The following YRDC variants were observed in gnomAD, a reference collection of about 807,000 sequenced individuals.
The protein encoded by YRDC is threonylcarbamoyl-AMP synthase.
A neutral mutation model predicts 21.5 loss-of-function variants in YRDC; 17 were observed. The ratio of observed to expected loss-of-function variants is 0.79; its 90% CI spans 0.54 to 1.19. The LOEUF (loss-of-function observed/expected upper bound fraction) is 1.19. Among genes scored for constraint, YRDC ranks in the 50% most tolerant of loss-of-function variants. The pLI is 0.00. For synonymous variants in YRDC, 193 were observed against 176.7 expected, an observed-to-expected ratio of 1.09 and a Z score of -0.73; for missense variants, 380 against 397.1, an observed-to-expected ratio of 0.96 and a Z score of 0.37.
rs185980231 is a variant in YRDC, at chr1:37,804,606, C to G, written c.625-162G>C. Among the ~76,000 whole-genome samples the G allele has an allele frequency of 1.2e-4, 18 of 152,324 alleles. No individual in the cohort carries two copies. In the East Asian group the frequency reaches 3.3e-3, roughly 28 times the overall value. ...TAGTTAAGGTCAACTGTGCCAAAGA[C>G]ACTGTATTCTATGAGGTTTGGAGGC... On this transcript the variant is annotated intron_variant, in intron 3 of 4. Coordinates refer to ENST00000373044, the MANE Select transcript of YRDC (RefSeq NM_024640.4).
intron 2 of YRDC, 56 bp from the exon 3 acceptor site, chr1:37,807,032 G>A (rs1467178915): frequency 7.4e-6 from 12 of 1,613,742 alleles, no homozygotes; most frequent in African/African-American, 2.7e-5. Flanking sequence ...AAGAGGGTAA[G>A]TCTTATCTGG....
At chr1:37,805,508 AC>A (rs1205690619) in intron 3 of YRDC, among the ~76,000 whole-genome samples, 1 of 151,940 alleles carries the variant, frequency 6.6e-6, no homozygotes, top group Non-Finnish European at 1.5e-5. Context: ...AGCTTCCCCA[AC>A]CCCCCAAGGA....
intron 3 of YRDC, among the ~76,000 whole-genome samples, chr1:37,804,655 A>G (rs1304580379): frequency 6.6e-6 from 1 of 152,242 alleles, no homozygotes; most frequent in African/African-American, 2.4e-5. Flanking sequence ...ACTCCAAGTA[A>G]CACCTATCTA....
Position 37,803,934 on chromosome 1 carries a change from G to C in YRDC, c.831C>G (p.Ser277=). The change falls in exon 5 of 5, where the codon TCC becomes TCG. Residue 277 remains serine, a synonymous_variant. Coordinates refer to ENST00000373044, the MANE Select transcript of YRDC (RefSeq NM_024640.4). ...CCTGCTTCCCAGAGTTTCACAGGTAGGACGCATGTGAGGGGAGCAGTCCGT... is the reference window on the plus strand; with the variant it reads ...CCTGCTTCCCAGAGTTTCACAGGTACGACGCATGTGAGGGGAGCAGTCCGT... ...QKYGLLPSHA[S]YL 6.2e-7 allele frequency: 1 copy of C among 1,614,124 alleles called. No individual in the cohort carries two copies. The highest frequency in any genetic ancestry group is 1.1e-5 in the South Asian group (1 of 91,070).
chr1:37,803,853 C>A lies in YRDC; in HGVS notation c.*72G>T. On this transcript the variant is annotated 3_prime_UTR_variant, in exon 5 of 5. Transcript: ENST00000373044. ...GCTCCGGTGGCCTCTGCAAATGAGG[C>A]CTTGACAGTCGTCAGTGGACAGACA... 6.4e-7 allele frequency: 1 copy of A among 1,560,588 alleles called. No individual in the cohort carries two copies. The highest frequency in any genetic ancestry group is 1.1e-5 in the South Asian group (1 of 88,534).
chr1:37,803,148 G>A lies in YRDC; in HGVS notation c.*777C>T, dbSNP rs1646713564. ...TAAGAAAAAAGTCCCTGGCTATAAA[G>A]GATAGTGGAGGTTTATTTCCCAATA... On this transcript the variant is annotated 3_prime_UTR_variant, in exon 5 of 5. Coordinates refer to ENST00000373044, the MANE Select transcript of YRDC (RefSeq NM_024640.4). 6.6e-6 allele frequency: 1 copy of A among 152,152 alleles called. No individual in the cohort carries two copies. The highest frequency in any genetic ancestry group is 6.5e-5 in the Admixed American group (1 of 15,270). The allele number at this position is 152,152 out of a possible 1,614,324, so 9.4% of individuals were successfully genotyped here.
chr1:37,806,710 C>G, intron 3 of YRDC, 147 bp downstream of exon 3: 1 of 1,275,792 alleles, frequency 7.8e-7, no homozygotes, highest in South Asian at 1.5e-5. Flanking sequence ...TGCCCCCCAC[C>G]ACCTCCCTGC....
At chr1:37,807,375 C>A in intron 1 of YRDC, 160 bp from the exon 2 acceptor site, 1 of 715,962 alleles carries the variant, frequency 1.4e-6, no homozygotes, top group Non-Finnish European at 2.3e-6. Flanking sequence ...GAAAGCAGGG[C>A]TCCAGAGGCG....
chr1:37,804,279 CA>C, intron 4 of YRDC, 22 bp downstream of exon 4: 1 of 1,603,162 alleles, frequency 6.2e-7, no homozygotes, highest in Admixed American at 1.7e-5. Flanking sequence ...ATTATTTCCC[CA>C]CACCACAGGA....
At chr1:37,806,061 G>T (rs1323378187) in intron 3 of YRDC, among the ~76,000 whole-genome samples, 1 of 152,182 alleles carries the variant, frequency 6.6e-6, no homozygotes, top group Non-Finnish European at 1.5e-5. Context: ...GGATTAGGAT[G>T]ATCCTTTCTT....
At chr1:37,805,081 C>A (rs1008068762) in intron 3 of YRDC, among the ~76,000 whole-genome samples, 11 of 152,026 alleles carry the variant, frequency 7.2e-5, no homozygotes, top group Non-Finnish European at 1.3e-4. Context: ...CATAGTGAAA[C>A]CCCATCTCTA....
chr1:37,807,708 TCTGCGC>T, intron 1 of YRDC, 78 bp downstream of exon 1: 1 of 1,368,954 alleles, frequency 7.3e-7, no homozygotes, highest in Non-Finnish European at 9.5e-7. Flanking sequence ...CCTCCCGCTC[TCTGCGC>T]CTCAGTCTCC....
intron 3 of YRDC, among the ~76,000 whole-genome samples, chr1:37,805,389 G>A (rs919837188): frequency 6.6e-6 from 1 of 152,214 alleles, no homozygotes; most frequent in Non-Finnish European, 1.5e-5. Flanking sequence ...TCTGATCAGG[G>A]TAGGAAGAGT....
At chr1:37,804,511 G>A (rs143325851) in intron 3 of YRDC, 67 bp from the exon 4 acceptor site, 24 of 1,542,934 alleles carry the variant, frequency 1.6e-5, no homozygotes, top group East Asian at 1.4e-4. Context: ...CAAACTGCAC[G>A]CAGTCATCAA....
chr1:37,807,690 G>A, intron 1 of YRDC, 102 bp downstream of exon 1: 1 of 1,354,308 alleles, frequency 7.4e-7, no homozygotes, highest in Non-Finnish European at 9.5e-7. Context: ...GGTGAGCCTG[G>A]ACAAGCCCCT....
chr1:37,804,092 T>A, intron 4 of YRDC, 95 bp from the exon 5 acceptor site: 1 of 1,510,004 alleles, frequency 6.6e-7, no homozygotes, highest in Non-Finnish European at 9.1e-7. Context: ...TGGCTAGCCT[T>A]GTTAAGCCCT....
At chr1:37,806,588 G>A (rs1646737826) in intron 3 of YRDC, among the ~76,000 whole-genome samples, 1 of 152,206 alleles carries the variant, frequency 6.6e-6, no homozygotes, top group South Asian at 2.1e-4. Context: ...AAAACAGGAA[G>A]ACATTGTTCT....
intron 4 of YRDC, 109 bp downstream of exon 4, chr1:37,804,193 C>T (rs1646720444): frequency 2.0e-6 from 3 of 1,521,396 alleles, no homozygotes; most frequent in South Asian, 2.5e-5. Flanking sequence ...ACCTGGCCCA[C>T]ACTCCTTCAG....
intron 3 of YRDC, 36 bp from the exon 4 acceptor site, chr1:37,804,480 C>G: frequency 6.3e-7 from 1 of 1,589,256 alleles, no homozygotes; most frequent in Non-Finnish European, 8.6e-7. Context: ...TGGACACTAT[C>G]CCTGGTGTAT....
Sources: gnomAD v4.1 joint callset for allele counts (sites outside exome capture counted in the v4.1 genomes callset) on GRCh38, gnomAD v4.1.1 for gene constraint, MANE v1.5 for transcripts, NCBI Gene and HGNC (gene_info 2026-07-23, HGNC 2026-07-21) for gene names.